ANKRD17: variants seen among roughly 807,000 people sequenced by gnomAD.
ANKRD17 encodes ankyrin repeat domain 17, also known as ankyrin repeat domain-containing protein 17.
Under a neutral mutation model 229.7 loss-of-function variants are expected in ANKRD17, and 19 were observed. The observed-to-expected ratio is 0.08, with a 90% confidence interval of 0.06 to 0.12. The LOEUF is 0.12. Among genes scored for constraint, ANKRD17 ranks in the 10% least tolerant of loss-of-function variants. The probability of loss-of-function intolerance (pLI) is 1.00; values close to 1 mark genes in which losing one functional copy is unlikely to be tolerated. For missense variants in ANKRD17, 2,176 were observed against 3,176.8 expected (o/e 0.68, Z 7.57); for synonymous variants, 1,112 against 1,146.1 (o/e 0.97, Z 0.60).
chr4:73,161,984 C>G (rs759471910), intron 2 of ANKRD17, among the ~76,000 whole-genome samples: 18 of 151,752 alleles, frequency 1.2e-4, no homozygotes, highest in Non-Finnish European at 2.2e-4. Flanking sequence ...TCAAGTGATC[C>G]GCCCAACTCA....
At chr4:73,139,113 A>G (rs1230915509) in intron 15 of ANKRD17, among the ~76,000 whole-genome samples, 1 of 152,144 alleles carries the variant, frequency 6.6e-6, no homozygotes, top group Non-Finnish European at 1.5e-5. Flanking sequence ...ATTTCTGTTC[A>G]TAAATAAGCT....
intron 20 of ANKRD17, 37 bp downstream of exon 20, chr4:73,120,844 C>T (rs756224445): frequency 6.4e-7 from 1 of 1,571,410 alleles, no homozygotes; most frequent in Admixed American, 1.7e-5. Context: ...AATATCAAAG[C>T]AATAAATTCA....
chr4:73,194,992 T>C (rs904867133), intron 1 of ANKRD17, among the ~76,000 whole-genome samples: 1 of 152,182 alleles, frequency 6.6e-6, no homozygotes, highest in African/African-American at 2.4e-5. Flanking sequence ...TTCTAATATA[T>C]AGGAATGGAA....
At chr4:73,175,742 T>G (rs1412630454) in intron 2 of ANKRD17, among the ~76,000 whole-genome samples, 1 of 152,162 alleles carries the variant, frequency 6.6e-6, no homozygotes, top group Non-Finnish European at 1.5e-5. Context: ...CTGGGAAAGC[T>G]GGATATCCAT....
rs1725896270 is a variant in ANKRD17, at chr4:73,116,016, TA to T, written c.4189-101del. On this transcript the variant is annotated intron_variant, in intron 22 of 33. Transcript: ENST00000358602. ...AACAGTTAAGATTAGGGCCACAAAG[TA>T]AAGACTAAATTGCATATTTACACTA... 5 of 944,992 alleles carry T rather than the reference TA, an allele frequency of 5.3e-6. No individual in the cohort carries two copies. In the South Asian group the frequency reaches 7.2e-5, roughly 14 times the overall value. 58.5% of individuals were successfully genotyped at this position (944,992 alleles called of 1,614,324 possible). A position where few individuals can be genotyped will look rare whatever the true frequency, so the allele number is the denominator to read the frequency against.
chr4:73,190,448 T>C (rs1282793559), intron 1 of ANKRD17, among the ~76,000 whole-genome samples: 3 of 151,790 alleles, frequency 2.0e-5, no homozygotes, highest in African/African-American at 7.3e-5. Context: ...AAGCATCCCA[T>C]TTAAATCGGG....
At chr4:73,254,386 G>C (rs2149289792) in intron 1 of ANKRD17, among the ~76,000 whole-genome samples, 1 of 152,288 alleles carries the variant, frequency 6.6e-6, no homozygotes, top group East Asian at 1.9e-4. Context: ...TACAAAAACA[G>C]ATGAAATTCT....
At chr4:73,249,971 T>C (rs913797782) in intron 1 of ANKRD17, among the ~76,000 whole-genome samples, 1 of 152,202 alleles carries the variant, frequency 6.6e-6, no homozygotes, top group African/African-American at 2.4e-5. Flanking sequence ...TTTTAAACTA[T>C]CCCTCTCTAG....
At chr4:73,245,898 T>A (rs1744456400) in intron 1 of ANKRD17, among the ~76,000 whole-genome samples, 1 of 152,190 alleles carries the variant, frequency 6.6e-6, no homozygotes, top group South Asian at 2.1e-4. Flanking sequence ...AAATCTATTA[T>A]GTTTTTGAAA....
intron 1 of ANKRD17, among the ~76,000 whole-genome samples, chr4:73,227,079 G>A (rs1742587225): frequency 6.6e-6 from 1 of 152,098 alleles, no homozygotes; most frequent in African/African-American, 2.4e-5. Context: ...GATACCATGG[G>A]CAAAAGGATA....
intron 1 of ANKRD17, among the ~76,000 whole-genome samples, chr4:73,248,581 A>C (rs951110672): frequency 5.3e-5 from 8 of 152,052 alleles, no homozygotes; most frequent in African/African-American, 1.9e-4. Context: ...GAGTATACTA[A>C]TAGTGATAAA....
intron 1 of ANKRD17, chr4:73,223,182 C>G (rs1198760907): frequency 1.6e-6 from 1 of 619,552 alleles, no homozygotes; most frequent in Non-Finnish European, 2.7e-6. Flanking sequence ...ACCAAAAGAG[C>G]AGGGGGTGAC....
chr4:73,203,389 G>T lies in ANKRD17; in HGVS notation c.394-25856C>A, dbSNP rs114292528. Among the ~76,000 whole-genome samples, 608 of 152,240 alleles carry T rather than the reference G, an allele frequency of 4.0e-3. 4 individuals carry two copies. Among genetic ancestry groups the T allele is most frequent in the African/African-American group, 0.014 (585 of 41,524 alleles). ...ATGTACAGAGGCAATGTTATTTTTAGGACAATATCAAAATATCTAAAAACG... is the reference window on the plus strand; with the variant it reads ...ATGTACAGAGGCAATGTTATTTTTATGACAATATCAAAATATCTAAAAACG... On this transcript the variant is annotated intron_variant, in intron 1 of 33. Coordinates refer to ENST00000358602, the MANE Select transcript of ANKRD17 (RefSeq NM_032217.5).
At position 73,091,077 on chromosome 4, in the gene ANKRD17, C is replaced by A. The variant is rs377032839; in HGVS notation, c.6551G>T (p.Gly2184Val). 1 of 1,614,108 alleles carries A rather than the reference C, an allele frequency of 6.2e-7. No individual in the cohort carries two copies. Among genetic ancestry groups the A allele is most frequent in the Non-Finnish European group, 8.5e-7 (1 of 1,180,036 alleles). ...ETPAIRPPPHGTTAPHKNSAS... is the reference protein window; with the variant it reads ...ETPAIRPPPHVTTAPHKNSAS... The stretch of plus-strand genomic sequence containing the variant: ...TGAATTCTTGTGAGGGGCAGTTGTG[C>A]CATGAGGGGGTGGTCTAATAGCAGG... The change falls in exon 29 of 34, where the codon GGC (glycine) becomes GTC (valine). Residue 2184 changes from glycine to valine, a missense_variant. Physicochemically the swap from Gly to Val is moderately radical, Grantham distance 109 (BLOSUM62 -3). Around this residue, in one of 18 missense-constraint regions of ANKRD17, gnomAD observed 424 missense variants for 454.0 expected, o/e 0.93. Transcript: ENST00000358602.
chr4:73,144,962 C>A, intron 10 of ANKRD17, 130 bp from the exon 11 acceptor site: 1 of 536,532 alleles, frequency 1.9e-6, no homozygotes, highest in South Asian at 4.1e-5. Context: ...TGCTTTGAAG[C>A]AAATTAAGAA....
rs115490006 is a variant in ANKRD17, at chr4:73,107,991, T to G, written c.4402-5444A>C. On this transcript the variant is annotated intron_variant, in intron 24 of 33. Transcript: ENST00000358602. Reference sequence around the variant, plus strand: ...TAATTGTTTGAACCATGGTGAGAAGTGATTAAGATTATATATCTATATTTT... The same window carrying G: ...TAATTGTTTGAACCATGGTGAGAAGGGATTAAGATTATATATCTATATTTT... 6.5e-3 allele frequency among the ~76,000 whole-genome samples: 996 copies of G among 152,206 alleles called. 14 individuals are homozygous for G. The highest frequency in any genetic ancestry group is 0.023 in the African/African-American group (942 of 41,504).
At chr4:73,111,980 G>A (rs1242408997) in intron 24 of ANKRD17, among the ~76,000 whole-genome samples, 2 of 152,192 alleles carry the variant, frequency 1.3e-5, no homozygotes, top group African/African-American at 2.4e-5. Flanking sequence ...GCAGAAAAGT[G>A]CTTGTGAAGA....
chr4:73,235,808 T>C (rs1370659976), intron 1 of ANKRD17, among the ~76,000 whole-genome samples: 1 of 151,880 alleles, frequency 6.6e-6, no homozygotes, highest in Non-Finnish European at 1.5e-5. Context: ...AGGATTCCAA[T>C]AGTTTCAGAA....
At chr4:73,112,143 G>A (rs904555118) in intron 24 of ANKRD17, among the ~76,000 whole-genome samples, 5 of 152,136 alleles carry the variant, frequency 3.3e-5, no homozygotes, top group African/African-American at 1.2e-4. Context: ...AGTGGTGTGG[G>A]TAGGCAGATC....
Sources: gnomAD v4.1 joint callset for allele counts (sites outside exome capture counted in the v4.1 genomes callset) on GRCh38, gnomAD v4.1.1 for gene constraint, gnomAD v4.1.1 regional missense constraint, MANE v1.5 for transcripts, NCBI Gene and HGNC (gene_info 2026-07-23, HGNC 2026-07-21) for gene names.